The following COL19A1 variants were observed in gnomAD, a reference collection of about 807,000 sequenced individuals.
COL19A1 encodes the protein collagen type XIX alpha 1 chain.
In COL19A1, 159 loss-of-function variants were observed where a neutral mutation model predicts 190.2. The ratio of observed to expected loss-of-function variants is 0.84; its 90% confidence interval spans 0.73 to 0.95. COL19A1 has a LOEUF of 0.95. Among genes scored for constraint, COL19A1 ranks in the 40% least tolerant of loss-of-function variants. The pLI is 0.00. For synonymous variants in COL19A1, 509 were observed against 458.9 expected, an observed-to-expected ratio of 1.11 and a Z score of -1.39; for missense variants, 1,418 against 1,431.9, an observed-to-expected ratio of 0.99 and a Z score of 0.16.
intron 4 of COL19A1, among the ~76,000 whole-genome samples, chr6:69,924,458 T>G (rs991568854): frequency 6.6e-6 from 1 of 152,212 alleles, no homozygotes; most frequent in African/African-American, 2.4e-5. Flanking sequence ...CTGCATAGTA[T>G]TCCATGGTGT....
chr6:70,160,083 G>A (rs760907733), intron 34 of COL19A1, among the ~76,000 whole-genome samples: 10 of 151,998 alleles, frequency 6.6e-5, no homozygotes, highest in Non-Finnish European at 1.2e-4. Context: ...GTAATGTCAT[G>A]GTCCACAACT....
chr6:69,973,651 C>T (rs989017367), intron 11 of COL19A1, among the ~76,000 whole-genome samples: 1 of 151,992 alleles, frequency 6.6e-6, no homozygotes, highest in Non-Finnish European at 1.5e-5. Context: ...ATTTAAAAAT[C>T]AAGCAATTTC....
intron 14 of COL19A1, among the ~76,000 whole-genome samples, chr6:70,038,884 G>A (rs182902968): frequency 6.6e-6 from 1 of 152,034 alleles, no homozygotes; most frequent in East Asian, 1.9e-4. Context: ...GGCCAACATG[G>A]TGAAACCCTG....
intron 18 of COL19A1, among the ~76,000 whole-genome samples, chr6:70,132,970 C>T (rs945812186): frequency 2.0e-5 from 3 of 152,180 alleles, no homozygotes; most frequent in African/African-American, 4.8e-5. Context: ...AGCGCAATAA[C>T]TAAAACACAT....
At position 69,900,311 on chromosome 6, in the gene COL19A1, G is replaced by A; in HGVS notation, c.239G>A (p.Gly80Glu). 2.5e-6 allele frequency: 4 copies of A among 1,587,908 alleles called. No individual in the cohort carries two copies. Among genetic ancestry groups the A allele is most frequent in the South Asian group, 2.3e-5 (2 of 85,870 alleles). The change falls in exon 4 of 51, where the codon GGA (glycine) becomes GAA (glutamate). Residue 80 changes from glycine to glutamate, a missense_variant. Transcript: ENST00000620364. ...CESDKTCFKL[G>E]SALLIRDTIK... ...AGTGATAAAACCTGTTTCAAATTGG[G>A]AAGTGCACTTCTTATTAGAGACACT...
intron 9 of COL19A1, among the ~76,000 whole-genome samples, chr6:69,939,937 G>A (rs1013380341): frequency 1.7e-4 from 26 of 152,112 alleles, no homozygotes; most frequent in African/African-American, 6.3e-4. Context: ...TTTGGTGACT[G>A]TGATTTATAC....
At chr6:69,895,498 T>C (rs1469655838) in intron 2 of COL19A1, among the ~76,000 whole-genome samples, 1 of 151,880 alleles carries the variant, frequency 6.6e-6, no homozygotes, top group Non-Finnish European at 1.5e-5. Flanking sequence ...TAAGACAGGG[T>C]TTTATTGGGT....
chr6:69,960,471 A>G (rs192959407), intron 10 of COL19A1, among the ~76,000 whole-genome samples: 74 of 152,320 alleles, frequency 4.9e-4, no homozygotes, highest in African/African-American at 1.8e-3. Flanking sequence ...ATTATATATT[A>G]CAAAGATGCT....
intron 14 of COL19A1, among the ~76,000 whole-genome samples, chr6:70,049,917 T>C (rs905650382): frequency 6.6e-6 from 1 of 152,098 alleles, no homozygotes; most frequent in Non-Finnish European, 1.5e-5. Flanking sequence ...TGGTAATGCC[T>C]TATATTGATA....
At chr6:70,049,527 T>G (rs1780083817) in intron 14 of COL19A1, among the ~76,000 whole-genome samples, 1 of 152,020 alleles carries the variant, frequency 6.6e-6, no homozygotes, top group African/African-American at 2.4e-5. Context: ...TTTATATCTC[T>G]TTCGTTAGAT....
intron 15 of COL19A1, among the ~76,000 whole-genome samples, chr6:70,098,109 G>A (rs546844014): frequency 9.2e-5 from 14 of 152,200 alleles, no homozygotes; most frequent in East Asian, 1.9e-4. Flanking sequence ...ACCAACCGCC[G>A]CAGGCCCTGG....
chr6:70,047,660 GTCTT>G (rs1779983692), intron 14 of COL19A1, among the ~76,000 whole-genome samples: 1 of 152,090 alleles, frequency 6.6e-6, no homozygotes, highest in African/African-American at 2.4e-5. Context: ...AATGTAGTGT[GTCTT>G]TATATGTAAC....
chr6:69,997,050 A>AGAGAGAG (rs1562072235), intron 11 of COL19A1, among the ~76,000 whole-genome samples: 2 of 144,236 alleles, frequency 1.4e-5, no homozygotes, highest in East Asian at 4.0e-4. Flanking sequence ...GAGAGAGAGA[A>AGAGAGAG]AGAGAACCAA....
At chr6:70,113,872 A>G (rs1233165286) in intron 16 of COL19A1, among the ~76,000 whole-genome samples, 12 of 98,990 alleles carry the variant, frequency 1.2e-4, no homozygotes, top group Non-Finnish European at 2.0e-4. Flanking sequence ...TTTTTTGGAG[A>G]TGGAGTCTTG....
At position 70,001,186 on chromosome 6, in the gene COL19A1, T is replaced by C. The variant is rs548557268; in HGVS notation, c.1027-22441T>C. On this transcript the variant is annotated intron_variant, in intron 11 of 50. Transcript: ENST00000620364. ...CGAAGATCAGATTGTTGTACATGTA[T>C]GGTCTTATTTCTGAAGTCTCTGTTC... is the stretch of plus-strand genomic sequence containing the variant. Among the ~76,000 whole-genome samples the C allele has an allele frequency of 2.6e-5, 4 of 152,266 alleles. 1 individual carries two copies. In the East Asian group the frequency reaches 7.7e-4, roughly 29 times the overall value.
intron 14 of COL19A1, among the ~76,000 whole-genome samples, chr6:70,060,626 G>A (rs1780774993): frequency 6.6e-6 from 1 of 152,106 alleles, no homozygotes; most frequent in South Asian, 2.1e-4. Context: ...TGCTGCTTAT[G>A]AGAATCTACT....
At chr6:70,158,754 T>C (rs1317795889) in intron 34 of COL19A1, among the ~76,000 whole-genome samples, 1 of 152,092 alleles carries the variant, frequency 6.6e-6, no homozygotes. Context: ...TGGGCTAGGA[T>C]TTGCAAAATG....
intron 15 of COL19A1, among the ~76,000 whole-genome samples, chr6:70,087,649 A>G (rs1041537619): frequency 2.0e-5 from 3 of 152,184 alleles, no homozygotes; most frequent in African/African-American, 7.2e-5. Context: ...ACAGAGGCCA[A>G]AGCTATAGAT....
chr6:69,921,318 T>C (rs1450500782), intron 4 of COL19A1, among the ~76,000 whole-genome samples: 5 of 131,254 alleles, frequency 3.8e-5, no homozygotes, highest in African/African-American at 1.4e-4. Flanking sequence ...ATATATCATA[T>C]AATCATATAT....
Sources: gnomAD v4.1 joint callset for allele counts (sites outside exome capture counted in the v4.1 genomes callset) on GRCh38, gnomAD v4.1.1 for gene constraint, MANE v1.5 for transcripts, NCBI Gene and HGNC (gene_info 2026-07-23, HGNC 2026-07-21) for gene names.